DEK: variants seen among roughly 807,000 people sequenced by gnomAD.
The protein encoded by DEK is protein DEK.
DEK carries 28 observed loss-of-function variants against 46.8 expected under a neutral mutation model. That is an observed-to-expected ratio of 0.60 (90% CI 0.44 to 0.82). DEK has a LOEUF of 0.82. Among genes scored for constraint, DEK ranks in the 40% least tolerant of loss-of-function variants. The pLI is 0.00. For synonymous variants in DEK, 160 were observed against 144.5 expected, an observed-to-expected ratio of 1.11 and a Z score of -0.77; for missense variants, 416 against 430.6, an observed-to-expected ratio of 0.97 and a Z score of 0.30.
At chr6:18,251,025 C>G (rs927743704) in intron 6 of DEK, among the ~76,000 whole-genome samples, 1 of 151,994 alleles carries the variant, frequency 6.6e-6, no homozygotes, top group East Asian at 1.9e-4. Flanking sequence ...GCAGAGATCA[C>G]CTGATGAAAA....
intron 7 of DEK, among the ~76,000 whole-genome samples, chr6:18,248,718 ATCTT>A (rs1464272743): frequency 6.6e-6 from 1 of 152,216 alleles, no homozygotes; most frequent in Non-Finnish European, 1.5e-5. Flanking sequence ...AGTTCACTAT[ATCTT>A]TATTCCTTCT....
At chr6:18,255,661 A>T in intron 6 of DEK, 70 bp downstream of exon 6, 2 of 1,521,330 alleles carry the variant, frequency 1.3e-6, no homozygotes, top group East Asian at 4.6e-5. Context: ...GCTGTTATTA[A>T]TCAATTTTTG....
chr6:18,236,643 T>C, intron 8 of DEK, 43 bp from the exon 9 acceptor site: 1 of 1,262,778 alleles, frequency 7.9e-7, no homozygotes, highest in African/African-American at 1.6e-5. Flanking sequence ...ACATAGTAAA[T>C]TAACATTTAA....
At chr6:18,247,025 AG>A (rs1383432646) in intron 7 of DEK, among the ~76,000 whole-genome samples, 1 of 152,238 alleles carries the variant, frequency 6.6e-6, no homozygotes, top group African/African-American at 2.4e-5. Context: ...ATGGCTTCTT[AG>A]AAAAGAGGTC....
chr6:18,255,266 T>G (rs1393678222), intron 6 of DEK, among the ~76,000 whole-genome samples: 1 of 152,210 alleles, frequency 6.6e-6, no homozygotes, highest in African/African-American at 2.4e-5. Flanking sequence ...AAACCCAATA[T>G]AGGAAACTTG....
chr6:18,235,826 T>C (rs1383457885), intron 9 of DEK, among the ~76,000 whole-genome samples: 1 of 152,210 alleles, frequency 6.6e-6, no homozygotes, highest in African/African-American at 2.4e-5. Flanking sequence ...TGAAATGTAG[T>C]AGAGAATCAA....
chr6:18,235,686 A>G (rs1186909905), intron 9 of DEK, among the ~76,000 whole-genome samples: 1 of 152,134 alleles, frequency 6.6e-6, no homozygotes, highest in Admixed American at 6.5e-5. Flanking sequence ...ACGGGATCTC[A>G]CTATGCTGCC....
chr6:18,228,984 ACTGGGAGAC>A (rs1328201543), intron 9 of DEK, among the ~76,000 whole-genome samples: 1 of 152,130 alleles, frequency 6.6e-6, no homozygotes, highest in Non-Finnish European at 1.5e-5. Flanking sequence ...GAGTGGCCTA[ACTGGGAGAC>A]ACCTCCCAGT....
intron 2 of DEK, among the ~76,000 whole-genome samples, chr6:18,262,503 T>A (rs56673447): frequency 0.026 from 3,883 of 152,268 alleles, 160 homozygotes; most frequent in African/African-American, 0.088. Flanking sequence ...ATCATGTTTT[T>A]AAAAATAATT....
Position 18,247,677 on chromosome 6 carries a change from C to G in DEK, c.762+1974G>C, listed in dbSNP as rs550153491. Among the ~76,000 whole-genome samples, 97 of 151,692 alleles carry G rather than the reference C, an allele frequency of 6.4e-4. 1 individual carries two copies. Among genetic ancestry groups the G allele is most frequent in the African/African-American group, 2.3e-3 (94 of 41,384 alleles). On this transcript the variant is annotated intron_variant, in intron 7 of 10. Transcript: ENST00000652689. ...TTTAAAAGTGAGTATAAAATGCTCT[C>G]GTTTTTTTTTTTTGAGACGGAGTTT... is the stretch of plus-strand genomic sequence containing the variant.
At chr6:18,236,105 C>T (rs533569866) in intron 9 of DEK, among the ~76,000 whole-genome samples, 55 of 152,182 alleles carry the variant, frequency 3.6e-4, no homozygotes, top group Middle Eastern at 6.8e-3. Context: ...GAGAATAAGA[C>T]GGTTCATGAG....
chr6:18,249,208 A>G (rs1791254845), intron 7 of DEK, among the ~76,000 whole-genome samples: 1 of 152,164 alleles, frequency 6.6e-6, no homozygotes, highest in South Asian at 2.1e-4. Flanking sequence ...TTCTCACTAC[A>G]TAGTCCCCTA....
intron 4 of DEK, among the ~76,000 whole-genome samples, chr6:18,257,749 A>T (rs575373538): frequency 1.3e-5 from 2 of 152,230 alleles, no homozygotes; most frequent in South Asian, 4.1e-4. Context: ...AAGAAAAAGA[A>T]AAAAGAAGAC....
chr6:18,237,072 T>C (rs1316204180), intron 8 of DEK: 1 of 234,330 alleles, frequency 4.3e-6, no homozygotes, highest in African/African-American at 2.3e-5. Flanking sequence ...ATAATTTATT[T>C]AGTTAAAATA....
rs1026693375 is a variant in DEK at position 18,258,338 on chromosome 6, A to G, written c.213T>C (p.Ser71=). 5 of 1,613,376 alleles carry G rather than the reference A, an allele frequency of 3.1e-6. No homozygotes were observed. Among genetic ancestry groups the G allele is most frequent in the Middle Eastern group, 1.6e-4 (1 of 6,078 alleles). The change falls in exon 3 of 11, where the codon TCT becomes TCC. Residue 71 remains serine (S), a synonymous_variant. Coordinates refer to ENST00000652689, the MANE Select transcript of DEK (RefSeq NM_003472.4). ...KKVERLTMQV[S]SLQREPFTIA... is the part of the protein sequence containing the mutation. ...TTGTAAATGGCTCTCTCTGTAAGGAAGAGACTTGCATTGTCAACCTCTCTA... is the reference window on the plus strand; with the variant it reads ...TTGTAAATGGCTCTCTCTGTAAGGAGGAGACTTGCATTGTCAACCTCTCTA...
chr6:18,226,854 G>A (rs1790149910), intron 9 of DEK, among the ~76,000 whole-genome samples: 1 of 152,184 alleles, frequency 6.6e-6, no homozygotes, highest in Non-Finnish European at 1.5e-5. Context: ...TCTGTACTAA[G>A]AAAAATTCTT....
At chr6:18,247,958 C>G (rs1406105885) in intron 7 of DEK, among the ~76,000 whole-genome samples, 1 of 152,182 alleles carries the variant, frequency 6.6e-6, no homozygotes, top group Non-Finnish European at 1.5e-5. Flanking sequence ...AGGCATGGGT[C>G]ACCATGCCCG....
intron 7 of DEK, among the ~76,000 whole-genome samples, chr6:18,239,269 C>A (rs1324742106): frequency 6.6e-6 from 1 of 150,786 alleles, no homozygotes; most frequent in African/African-American, 2.4e-5. Context: ...TGAACCTATC[C>A]TTTAGATTAA....
intron 7 of DEK, among the ~76,000 whole-genome samples, chr6:18,238,267 G>A (rs1790751497): frequency 6.6e-6 from 1 of 152,154 alleles, no homozygotes; most frequent in African/African-American, 2.4e-5. Context: ...AGGAAACTAA[G>A]GCTCAGTGTG....
Sources: allele counts gnomAD v4.1 joint callset (sites outside exome capture counted in the v4.1 genomes callset), GRCh38; gene constraint gnomAD v4.1.1; transcripts MANE v1.5; gene names NCBI Gene and HGNC (gene_info 2026-07-23, HGNC 2026-07-21).